TBC1D10A: variants seen among roughly 807,000 people sequenced by gnomAD.
TBC1D10A encodes TBC1 domain family member 10A, also known as EBP50-PDX interactor of 64 kDa.
A neutral mutation model predicts 52.9 loss-of-function variants in TBC1D10A; 24 were observed. The ratio of observed to expected loss-of-function variants is 0.45; its 90% CI spans 0.33 to 0.64. The LOEUF (loss-of-function observed/expected upper bound fraction) is 0.64. TBC1D10A is among the 30% of genes least tolerant of loss of function. The pLI is 0.02. For synonymous variants in TBC1D10A, 278 were observed against 282.9 expected (o/e 0.98, Z 0.17); for missense variants, 602 against 687.9 (o/e 0.88, Z 1.40).
chr22:30,292,896 C>A (rs771096668), intron 8 of TBC1D10A, 45 bp from the exon 9 acceptor site: 1 of 1,596,172 alleles, frequency 6.3e-7, no homozygotes, highest in Admixed American at 1.7e-5. Flanking sequence ...AGAAGAAGGA[C>A]CTTCCCCTTC....
chr22:30,326,844 G>A lies in TBC1D10A; in HGVS notation c.38C>T (p.Pro13Leu). The A allele has an allele frequency of 6.8e-7, 1 of 1,474,178 alleles. No homozygotes were observed. 91.3% of individuals were successfully genotyped at this position (1,474,178 alleles called of 1,614,324 possible). ...KSNGENGPRA[P>L]AAGESLSGTR... ...TCCCGACAGGCTTTCCCCGGCCGCG[G>A]GCGCGCGCGGCCCATTCTCTCCGTT... Residue 13 changes from proline to leucine, a missense_variant, in exon 1 of 9, where the codon CCC becomes CTC. Physicochemically the swap from Pro to Leu is moderately conservative, Grantham distance 98 (BLOSUM62 -3). Around this residue, in one of 3 missense-constraint regions of TBC1D10A, gnomAD observed 201 missense variants for 204.4 expected, o/e 0.98. Coordinates refer to ENST00000215790, the MANE Select transcript of TBC1D10A (RefSeq NM_031937.3).
Position 30,293,761 on chromosome 22 carries a change from C to T in TBC1D10A, c.940G>A (p.Ala314Thr), listed in dbSNP as rs542860875. 1.4e-5 allele frequency: 23 copies of T among 1,612,788 alleles called. No individual in the cohort carries two copies. The highest frequency in any genetic ancestry group is 1.3e-4 in the African/African-American group (10 of 75,044). The change falls in exon 8 of 9, where the codon GCG (alanine) becomes ACG (threonine). Residue 314 changes from alanine (A) to threonine (T), a missense_variant. Transcript: ENST00000215790. The part of the protein sequence containing the change: ...FRVGLVLLKH[A>T]LGSPEKVKAC... ...TTGACCTTCTCAGGGGAGCCCAGCG[C>T]GTGCTTCAGCAGCACCAGCCCCACC...
At position 30,317,894 on chromosome 22, in the gene TBC1D10A, T is replaced by A. The variant is rs553972232; in HGVS notation, c.209+8779A>T. Among the ~76,000 whole-genome samples, 11 of 152,248 alleles carry A rather than the reference T, an allele frequency of 7.2e-5. No homozygotes were observed. The East Asian group carries it at 1.7e-3, about 24-fold the overall frequency. ...CCTGAGCCTAGCACAGGGCTACACA[T>A]ATAGTAAGTGCTGGGTGAAAAAAAC... On this transcript the variant is annotated intron_variant, in intron 1 of 8. Coordinates refer to ENST00000215790, the MANE Select transcript of TBC1D10A (RefSeq NM_031937.3).
intron 2 of TBC1D10A, 111 bp downstream of exon 2, chr22:30,304,420 T>C: frequency 6.5e-7 from 1 of 1,537,438 alleles, no homozygotes; most frequent in South Asian, 1.2e-5. Context: ...ACCTAAGGCA[T>C]CTGGCAGTTA....
intron 4 of TBC1D10A, among the ~76,000 whole-genome samples, 155 bp from the exon 5 acceptor site, chr22:30,295,210 TGG>T (rs1930051115): frequency 6.6e-6 from 1 of 152,180 alleles, no homozygotes; most frequent in South Asian, 2.1e-4. Context: ...AGTCTCCTAC[TGG>T]AGCACATGGA....
intron 1 of TBC1D10A, among the ~76,000 whole-genome samples, chr22:30,315,255 C>A (rs1930511530): frequency 6.6e-6 from 1 of 152,160 alleles, no homozygotes; most frequent in South Asian, 2.1e-4. Flanking sequence ...TACCATTATG[C>A]TAAATGTCTG....
chr22:30,307,059 T>C (rs1017771764), intron 1 of TBC1D10A, among the ~76,000 whole-genome samples: 18 of 152,284 alleles, frequency 1.2e-4, no homozygotes, highest in African/African-American at 3.6e-4. Flanking sequence ...ACAGTCTATC[T>C]TATGAATTTG....
In TBC1D10A at chr22:30,312,211, AC is replaced by A. The variant is rs527635794; in HGVS notation, c.210-7582del. ...CTTGGATCACAATCTCACTGCAGGC[AC>A]CCAGGGGCCACCCTGACTCATCCTT... On this transcript the variant is annotated intron_variant, in intron 1 of 8. Coordinates refer to ENST00000215790, the MANE Select transcript of TBC1D10A (RefSeq NM_031937.3). Among the ~76,000 whole-genome samples, 293 of 152,346 alleles carry A rather than the reference AC, an allele frequency of 1.9e-3. 1 individual carries two copies. Among genetic ancestry groups the A allele is most frequent in the Non-Finnish European group, 3.4e-3 (230 of 68,024 alleles).
At chr22:30,304,780 T>G in intron 1 of TBC1D10A, 150 bp from the exon 2 acceptor site, 2 of 1,385,524 alleles carry the variant, frequency 1.4e-6, no homozygotes. Context: ...ACCATCCTAT[T>G]GCAGATGAGA....
In TBC1D10A at chr22:30,295,019, C is replaced by T. The variant is rs200764300; in HGVS notation, c.561G>A (p.Thr187=). 2.5e-6 allele frequency: 4 copies of T among 1,613,894 alleles called. No homozygotes were observed. Among genetic ancestry groups the T allele is most frequent in the South Asian group, 1.1e-5 (1 of 91,088 alleles). The change falls in exon 5 of 9, where the codon ACG becomes ACA. Residue 187 remains threonine, a synonymous_variant. Coordinates refer to ENST00000215790, the MANE Select transcript of TBC1D10A (RefSeq NM_031937.3). ...AGTAGCCCTCCTCGGGCCGGTACAG[C>T]GTGTAGGCCTTCAGCACACGGAATA... is the stretch of plus-strand genomic sequence containing the variant. ...QDLFRVLKAY[T]LYRPEEGYCQ... is the part of the protein sequence containing the mutation.
At chr22:30,293,375 G>A (rs1929994575) in intron 8 of TBC1D10A, 18 of 691,156 alleles carry the variant, frequency 2.6e-5, no homozygotes, top group South Asian at 1.1e-4. Context: ...CCAAGGCTGC[G>A]AATGGGGTAC....
chr22:30,318,497 G>A (rs961343366), intron 1 of TBC1D10A, among the ~76,000 whole-genome samples: 27 of 152,156 alleles, frequency 1.8e-4, no homozygotes, highest in African/African-American at 5.6e-4. Flanking sequence ...GCCATACCAG[G>A]CACCTTGGGG....
intron 1 of TBC1D10A, among the ~76,000 whole-genome samples, chr22:30,309,119 GT>G (rs1461174043): frequency 6.6e-6 from 1 of 152,172 alleles, no homozygotes; most frequent in Non-Finnish European, 1.5e-5. Flanking sequence ...CTCCTCCAGT[GT>G]TGTGACTGCC....
Position 30,292,678 on chromosome 22 carries a change from T to C in TBC1D10A, c.1224A>G (p.Pro408=). Residue 408 remains proline (P), a synonymous_variant, in exon 9 of 9, where the codon CCA becomes CCG. Coordinates refer to ENST00000215790, the MANE Select transcript of TBC1D10A (RefSeq NM_031937.3). ...GGGCATCTAGGGGCAGGCGGATGGA[T>C]GGTGAAGGTTGTAGGGCAGGCCGGG... The part of the protein sequence containing the change: ...PGPRPALQPS[P]SIRLPLDAPL... The C allele has an allele frequency of 6.2e-7, 1 of 1,608,924 alleles. No homozygotes were observed. Among genetic ancestry groups the C allele is most frequent in the Non-Finnish European group, 8.5e-7 (1 of 1,177,304 alleles).
chr22:30,317,291 C>A (rs192199184), intron 1 of TBC1D10A, among the ~76,000 whole-genome samples: 1 of 152,200 alleles, frequency 6.6e-6, no homozygotes, highest in East Asian at 1.9e-4. Context: ...ACCTAAAACC[C>A]CAGCTACTCG....
At chr22:30,317,252 G>A (rs1305672555) in intron 1 of TBC1D10A, among the ~76,000 whole-genome samples, 1 of 151,174 alleles carries the variant, frequency 6.6e-6, no homozygotes, top group Non-Finnish European at 1.5e-5. Context: ...TACTAAAAAT[G>A]CAAAAATTAG....
At chr22:30,307,657 A>T (rs1299000036) in intron 1 of TBC1D10A, 1 of 152,194 alleles carries the variant, frequency 6.6e-6, no homozygotes, top group Non-Finnish European at 1.5e-5. Context: ...AAAAACCATC[A>T]CTACAACAAT....
rs1929957129 is a variant in TBC1D10A at position 30,292,184 on chromosome 22, A to G, written c.*191T>C. The G allele has an allele frequency of 1.8e-6, 1 of 541,484 alleles. No homozygotes were observed. The highest frequency in any genetic ancestry group is 3.1e-6 in the Non-Finnish European group (1 of 318,250). 33.5% of individuals were successfully genotyped at this position (541,484 alleles called of 1,614,324 possible). On this transcript the variant is annotated 3_prime_UTR_variant, in exon 9 of 9. Transcript: ENST00000215790. ...TGGGCCAGCCTGAGTGCCACTGTAA[A>G]GAAAATAAATAAGGAGGCTCAGGCA...
chr22:30,308,922 T>G (rs1355043992), intron 1 of TBC1D10A, among the ~76,000 whole-genome samples: 1 of 152,210 alleles, frequency 6.6e-6, no homozygotes, highest in Non-Finnish European at 1.5e-5. Context: ...TCAGAAAGGT[T>G]GTATGACTTG....
Sources: allele counts gnomAD v4.1 joint callset (sites outside exome capture counted in the v4.1 genomes callset), GRCh38; gene constraint gnomAD v4.1.1; regional missense constraint gnomAD v4.1.1; transcripts MANE v1.5; gene names NCBI Gene and HGNC (gene_info 2026-07-23, HGNC 2026-07-21).